SLC6A6: variants seen among roughly 807,000 people sequenced by gnomAD.
The protein encoded by SLC6A6 is solute carrier family 6 member 6.
A neutral mutation model predicts 68.8 loss-of-function variants in SLC6A6; 16 were observed. The ratio of observed to expected loss-of-function variants is 0.23; its 90% CI spans 0.16 to 0.35. The LOEUF (loss-of-function observed/expected upper bound fraction) is 0.35, where lower values mean the gene tolerates loss of function less well. SLC6A6 is among the 10% of genes least tolerant of loss of function. The pLI is 1.00. For missense variants in SLC6A6, 474 were observed against 802.8 expected (o/e 0.59, Z 4.95); for synonymous variants, 312 against 315.4 (o/e 0.99, Z 0.12).
chr3:14,469,393 C>T (rs1015777563), intron 9 of SLC6A6, among the ~76,000 whole-genome samples: 1 of 152,134 alleles, frequency 6.6e-6, no homozygotes, highest in Non-Finnish European at 1.5e-5. Flanking sequence ...TTCCACTGCC[C>T]TTGACCTCCT....
chr3:14,422,181 G>C (rs1383154766), intron 2 of SLC6A6, among the ~76,000 whole-genome samples: 8 of 152,152 alleles, frequency 5.3e-5, no homozygotes, highest in Non-Finnish European at 1.5e-5. Context: ...TGGGGCTGCA[G>C]ACAGCCTCGG....
chr3:14,455,134 T>C (rs909312857), intron 5 of SLC6A6, among the ~76,000 whole-genome samples: 6 of 152,158 alleles, frequency 3.9e-5, no homozygotes, highest in Non-Finnish European at 7.4e-5. Flanking sequence ...GAGGTAATCC[T>C]AGGAATGGAA....
intron 2 of SLC6A6, among the ~76,000 whole-genome samples, chr3:14,439,901 G>T (rs1192442207): frequency 6.6e-6 from 1 of 152,168 alleles, no homozygotes; most frequent in Non-Finnish European, 1.5e-5. Context: ...TAAGGGTTTG[G>T]ATACATCACG....
At chr3:14,449,276 G>A (rs182599060) in intron 5 of SLC6A6, among the ~76,000 whole-genome samples, 26 of 152,350 alleles carry the variant, frequency 1.7e-4, no homozygotes, top group African/African-American at 5.8e-4. Flanking sequence ...TAGGCCCACT[G>A]TCACTGGGGG....
At position 14,445,822 on chromosome 3, in the gene SLC6A6, G is replaced by T; in HGVS notation, c.335G>T (p.Cys112Phe). ...GQYTSEGGIT[C>F]WEKICPLFSG... ...TACACCTCTGAAGGGGGCATCACCT[G>T]CTGGGAAAAGATCTGCCCCTTGTTC... The change falls in exon 4 of 15, where the codon TGC becomes TTC. Residue 112 changes from cysteine to phenylalanine, a missense_variant. By Grantham distance (205) the Cys-to-Phe change is radical. Coordinates refer to ENST00000622186, the MANE Select transcript of SLC6A6 (RefSeq NM_003043.6). 6.2e-7 allele frequency: 1 copy of T among 1,614,258 alleles called. No homozygotes were observed.
chr3:14,480,493 T>G (rs1700982104), intron 13 of SLC6A6, among the ~76,000 whole-genome samples: 1 of 152,150 alleles, frequency 6.6e-6, no homozygotes, highest in Admixed American at 6.5e-5. Context: ...CTCCTCCTGC[T>G]TGGGAGGGCC....
intron 1 of SLC6A6, among the ~76,000 whole-genome samples, chr3:14,415,717 C>A (rs997026176): frequency 1.3e-5 from 2 of 152,114 alleles, no homozygotes; most frequent in African/African-American, 4.8e-5. Flanking sequence ...ACAGAACCCC[C>A]CCGCTCCAAA....
At chr3:14,458,939 C>G (rs540183414) in intron 6 of SLC6A6, among the ~76,000 whole-genome samples, 1 of 152,286 alleles carries the variant, frequency 6.6e-6, no homozygotes, top group Admixed American at 6.5e-5. Flanking sequence ...GATACATTAG[C>G]AATAGTGGAA....
intron 1 of SLC6A6, among the ~76,000 whole-genome samples, chr3:14,404,238 G>A (rs897112611): frequency 6.6e-6 from 1 of 152,168 alleles, no homozygotes; most frequent in Non-Finnish European, 1.5e-5. Context: ...CTAGCCAGAA[G>A]GAGTTTATTT....
Position 14,422,924 on chromosome 3 carries a change from A to T in SLC6A6, c.-12+6471A>T, listed in dbSNP as rs12494428. Among the ~76,000 whole-genome samples, 3 of 152,122 alleles carry T rather than the reference A, an allele frequency of 2.0e-5. No individual in the cohort carries two copies. In the East Asian group the frequency reaches 5.8e-4, roughly 29 times the overall value. On this transcript the variant is annotated intron_variant, in intron 2 of 14. Transcript: ENST00000622186. ...TCAAGTCTCTTCTGGGCATCCTGCC[A>T]GTCCTGGACAAGGGTTCCCAGACAA...
chr3:14,445,086 G>A (rs1345266729), intron 3 of SLC6A6, among the ~76,000 whole-genome samples: 6 of 152,178 alleles, frequency 3.9e-5, no homozygotes, highest in Non-Finnish European at 4.4e-5. Context: ...TTCAGGGGAC[G>A]GATGTGGAGG....
chr3:14,477,742 G>A lies in SLC6A6; in HGVS notation c.1347+400G>A, dbSNP rs1366822344. 1.3e-5 allele frequency among the ~76,000 whole-genome samples: 2 copies of A among 152,170 alleles called. No individual in the cohort carries two copies. The highest frequency in any genetic ancestry group is 4.8e-5 in the African/African-American group (2 of 41,434). The stretch of plus-strand genomic sequence containing the variant: ...AAATACCACAGCACCACGTAGAGGT[G>A]CACCACCTTGCAGGTCACCTGCCAC... On this transcript the variant is annotated intron_variant, in intron 11 of 14. Coordinates refer to ENST00000622186, the MANE Select transcript of SLC6A6 (RefSeq NM_003043.6). This position sits in a 1 kb window ranked among gnomAD's most constrained non-coding sequence, Gnocchi z 4.2.
chr3:14,483,429 G>T lies in SLC6A6; in HGVS notation c.1723-1438G>T, dbSNP rs1030441275. Among the ~76,000 whole-genome samples, 15 of 152,354 alleles carry T rather than the reference G, an allele frequency of 9.8e-5. No homozygotes were observed. In the East Asian group the frequency reaches 2.9e-3, roughly 29 times the overall value. On this transcript the variant is annotated intron_variant, in intron 14 of 14. Coordinates refer to ENST00000622186, the MANE Select transcript of SLC6A6 (RefSeq NM_003043.6). ...AAACCCAGATCTCTGTCCCAGGATG[G>T]TTCCAGCTCTGCCTGAGCCTCCTGT...
chr3:14,470,499 GAA>G (rs1207467509), intron 9 of SLC6A6, among the ~76,000 whole-genome samples: 1 of 152,222 alleles, frequency 6.6e-6, no homozygotes, highest in Admixed American at 6.5e-5. Flanking sequence ...CACTTTTAGA[GAA>G]AGACGCTCAG....
chr3:14,444,095 G>A, intron 3 of SLC6A6: 1 of 497,376 alleles, frequency 2.0e-6, no homozygotes, highest in Non-Finnish European at 3.7e-6. Flanking sequence ...GTTACCTTGA[G>A]CAGGTCCCTC....
At chr3:14,426,161 G>T (rs1699592437) in intron 2 of SLC6A6, among the ~76,000 whole-genome samples, 1 of 152,192 alleles carries the variant, frequency 6.6e-6, no homozygotes, top group Non-Finnish European at 1.5e-5. Context: ...CCTGTGTCAG[G>T]TTGAGGGGGA....
Position 14,430,554 on chromosome 3 carries a change from C to T in SLC6A6, c.-11-13070C>T, listed in dbSNP as rs578164057. 9.8e-5 allele frequency among the ~76,000 whole-genome samples: 15 copies of T among 152,338 alleles called. 1 individual carries two copies. The South Asian group carries it at 2.9e-3, about 29-fold the overall frequency. On this transcript the variant is annotated intron_variant, in intron 2 of 14. Transcript: ENST00000622186. ...CGGTCCTCCCTGCATCCTAGCCCCA[C>T]CCGAGTGTGGATTTTAGCGCTGAGC...
intron 1 of SLC6A6, among the ~76,000 whole-genome samples, chr3:14,412,956 G>C (rs1427455707): frequency 1.3e-5 from 2 of 152,246 alleles, no homozygotes; most frequent in African/African-American, 4.8e-5. Flanking sequence ...CCTTGGAAAG[G>C]TTGCTGTTGG....
intron 14 of SLC6A6, among the ~76,000 whole-genome samples, chr3:14,484,064 G>GT (rs1231833748): frequency 6.6e-6 from 1 of 152,150 alleles, no homozygotes; most frequent in Non-Finnish European, 1.5e-5. Flanking sequence ...TTGTTGTTTT[G>GT]TTTGTTTGTC....
Sources: allele counts gnomAD v4.1 joint callset (sites outside exome capture counted in the v4.1 genomes callset), GRCh38; gene constraint gnomAD v4.1.1; non-coding constraint Gnocchi (gnomAD v3.1); transcripts MANE v1.5; gene names NCBI Gene and HGNC (gene_info 2026-07-23, HGNC 2026-07-21).